BMP6: variants seen among roughly 807,000 people sequenced by gnomAD.
The protein encoded by BMP6 is VG-1-R.
In BMP6, 17 loss-of-function variants were observed where a neutral mutation model predicts 54.1. The observed-to-expected ratio is 0.31, with a 90% CI of 0.22 to 0.47. The LOEUF is 0.47. BMP6 is among the 20% of genes least tolerant of loss of function. BMP6 has a pLI of 1.00. For synonymous variants in BMP6, 328 were observed against 291.2 expected, an observed-to-expected ratio of 1.13 and a Z score of -1.28; for missense variants, 720 against 690.4, an observed-to-expected ratio of 1.04 and a Z score of -0.48.
At chr6:7,780,302 C>G (rs563880402) in intron 1 of BMP6, among the ~76,000 whole-genome samples, 1 of 152,162 alleles carries the variant, frequency 6.6e-6, no homozygotes, top group East Asian at 1.9e-4. Context: ...AATCCCAGAA[C>G]TTTGGAAGGC....
intron 1 of BMP6, among the ~76,000 whole-genome samples, chr6:7,768,873 G>C (rs988472972): frequency 6.6e-6 from 1 of 152,096 alleles, no homozygotes; most frequent in African/African-American, 2.4e-5. Flanking sequence ...GCCATGATCT[G>C]TCATATATTA....
chr6:7,845,031 G>A, intron 1 of BMP6, 109 bp from the exon 2 acceptor site: 1 of 959,120 alleles, frequency 1.0e-6, no homozygotes, highest in Non-Finnish European at 1.6e-6. Context: ...AGTAAGCCGT[G>A]GGTAATTGGT....
chr6:7,778,335 A>G (rs1255837172), intron 1 of BMP6, among the ~76,000 whole-genome samples: 1 of 152,242 alleles, frequency 6.6e-6, no homozygotes, highest in East Asian at 1.9e-4. Flanking sequence ...CTGTTCTTTA[A>G]AAGTGCTCTC....
At chr6:7,861,211 G>A (rs926563952) in intron 2 of BMP6, among the ~76,000 whole-genome samples, 9 of 151,888 alleles carry the variant, frequency 5.9e-5, no homozygotes, top group African/African-American at 1.2e-4. Context: ...CTGCCGTGTC[G>A]GGGTGAAAGC....
chr6:7,845,591 A>G lies in BMP6; in HGVS notation c.857+259A>G, dbSNP rs536085625. Reference sequence around the variant, plus strand: ...GCATCTTTTGTGATCAGATAACTCCATAATTTATTAGGGTTAAAATGTTCC... The same window carrying G: ...GCATCTTTTGTGATCAGATAACTCCGTAATTTATTAGGGTTAAAATGTTCC... On this transcript the variant is annotated intron_variant, in intron 2 of 6. Coordinates refer to ENST00000283147, the MANE Select transcript of BMP6 (RefSeq NM_001718.6). Among the ~76,000 whole-genome samples the G allele has an allele frequency of 3.3e-5, 5 of 152,372 alleles. 1 individual carries two copies. Among genetic ancestry groups the G allele is most frequent in the East Asian group, 1.9e-4 (1 of 5,192 alleles).
intron 1 of BMP6, among the ~76,000 whole-genome samples, chr6:7,790,204 T>C (rs1173628303): frequency 3.3e-5 from 5 of 152,178 alleles, no homozygotes; most frequent in African/African-American, 1.2e-4. Flanking sequence ...GGGCCGCTTA[T>C]TTTGATACTG....
intron 1 of BMP6, among the ~76,000 whole-genome samples, chr6:7,787,642 G>GGCT (rs1758039673): frequency 6.6e-6 from 1 of 152,146 alleles, no homozygotes; most frequent in South Asian, 2.1e-4. Context: ...TCTTAGCCGT[G>GGCT]GCTGCTCTGT....
intron 1 of BMP6, among the ~76,000 whole-genome samples, chr6:7,768,283 T>G (rs1321598736): frequency 2.6e-5 from 4 of 152,192 alleles, no homozygotes; most frequent in African/African-American, 9.7e-5. Flanking sequence ...AAGTAAAACT[T>G]GTGAAAGCAT....
At chr6:7,872,050 T>G (rs908099893) in intron 4 of BMP6, among the ~76,000 whole-genome samples, 1 of 152,090 alleles carries the variant, frequency 6.6e-6, no homozygotes, top group African/African-American at 2.4e-5. Flanking sequence ...CTTCTCTGGT[T>G]TTTGGTTTGT....
chr6:7,808,996 G>A (rs1758395427), intron 1 of BMP6, among the ~76,000 whole-genome samples: 2 of 150,764 alleles, frequency 1.3e-5, no homozygotes, highest in Admixed American at 6.6e-5. Flanking sequence ...GCACTTCTGT[G>A]CCTTGAGGAT....
At chr6:7,813,637 T>G in intron 1 of BMP6, among the ~76,000 whole-genome samples, 1 of 61,294 alleles carries the variant, frequency 1.6e-5, no homozygotes, top group African/African-American at 8.7e-5. Flanking sequence ...AGTGTGACCC[T>G]GTCTCAAAAA....
In BMP6 at chr6:7,827,369, C is replaced by T. The variant is rs555701826; in HGVS notation, c.665-17771C>T. On this transcript the variant is annotated intron_variant, in intron 1 of 6. Coordinates refer to ENST00000283147, the MANE Select transcript of BMP6 (RefSeq NM_001718.6). ...GTGTTCTCAGGAAGATGAAGTGAAT[C>T]ACCAGAGCAAAGAATGTGCTCTCTG... 2.2e-4 allele frequency among the ~76,000 whole-genome samples: 34 copies of T among 152,326 alleles called. No individual in the cohort carries two copies. In the South Asian group the frequency reaches 6.8e-3, roughly 31 times the overall value.
At chr6:7,805,761 A>G (rs2113203600) in intron 1 of BMP6, among the ~76,000 whole-genome samples, 1 of 152,372 alleles carries the variant, frequency 6.6e-6, no homozygotes, top group African/African-American at 2.4e-5. Flanking sequence ...ATAAAACCTC[A>G]CAAAGAGAAT....
chr6:7,839,609 G>A (rs1014662552), intron 1 of BMP6, among the ~76,000 whole-genome samples: 2 of 152,146 alleles, frequency 1.3e-5, no homozygotes, highest in Non-Finnish European at 2.9e-5. Flanking sequence ...CAATGTCCTC[G>A]GGGTTCATGT....
intron 1 of BMP6, among the ~76,000 whole-genome samples, chr6:7,764,251 A>G (rs1041429209): frequency 1.3e-5 from 2 of 152,218 alleles, no homozygotes; most frequent in Non-Finnish European, 2.9e-5. Flanking sequence ...GCTTTCCTCA[A>G]ATTAAACCTT....
chr6:7,860,759 A>G (rs1230676173), intron 2 of BMP6, among the ~76,000 whole-genome samples: 1 of 152,178 alleles, frequency 6.6e-6, no homozygotes. Flanking sequence ...CCTTAATTAA[A>G]ATAGTAGATG....
chr6:7,836,355 G>A (rs1204848826), intron 1 of BMP6, among the ~76,000 whole-genome samples: 9 of 152,152 alleles, frequency 5.9e-5, no homozygotes, highest in East Asian at 1.9e-4. Flanking sequence ...TTGTGGCAAC[G>A]GAGGATTTCT....
At position 7,880,247 on chromosome 6, in the gene BMP6, G is replaced by T. The variant is rs1422334655; in HGVS notation, c.1446G>T (p.Lys482Asn). The change falls in exon 7 of 7, where the codon AAG becomes AAT. Residue 482 changes from lysine (K) to asparagine (N), a missense_variant. Lys to Asn is a moderately conservative substitution (Grantham distance 94). Around this residue, in one of 3 missense-constraint regions of BMP6, gnomAD observed 43 missense variants for 54.0 expected, o/e 0.80. Transcript: ENST00000283147. ...CCAAACCGTGCTGTGCGCCAACTAA[G>T]CTAAATGCCATCTCGGTTCTTTACT... is the stretch of plus-strand genomic sequence containing the variant. ...YVPKPCCAPT[K>N]LNAISVLYFD... is the part of the protein sequence containing the mutation. 1 of 1,614,012 alleles carries T rather than the reference G, an allele frequency of 6.2e-7. No homozygotes were observed. The highest frequency in any genetic ancestry group is 8.5e-7 in the Non-Finnish European group (1 of 1,180,030).
chr6:7,857,517 T>TC (rs1212372460), intron 2 of BMP6, among the ~76,000 whole-genome samples: 2 of 152,192 alleles, frequency 1.3e-5, no homozygotes, highest in Non-Finnish European at 2.9e-5. Flanking sequence ...GTATGTCACC[T>TC]CAATAGGAAG....
Sources: gnomAD v4.1 joint callset for allele counts (sites outside exome capture counted in the v4.1 genomes callset) on GRCh38, gnomAD v4.1.1 for gene constraint, gnomAD v4.1.1 regional missense constraint, MANE v1.5 for transcripts, NCBI Gene and HGNC (gene_info 2026-07-23, HGNC 2026-07-21) for gene names.